PRKG1: variants seen among roughly 807,000 people sequenced by gnomAD.
PRKG1 encodes the protein cGMP-dependent protein kinase 1.
A neutral mutation model predicts 88.1 loss-of-function variants in PRKG1; 35 were observed. The observed-to-expected ratio is 0.40, with a 90% confidence interval of 0.30 to 0.53. PRKG1 has a LOEUF of 0.53. Among genes scored for constraint, PRKG1 ranks in the 20% least tolerant of loss-of-function variants. PRKG1 has a pLI of 0.59. For missense variants in PRKG1, 540 were observed against 839.8 expected (o/e 0.64, Z 4.41); for synonymous variants, 303 against 292.5 (o/e 1.04, Z -0.37).
intron 3 of PRKG1, among the ~76,000 whole-genome samples, chr10:51,609,685 G>A (rs115164472): frequency 6.6e-6 from 1 of 152,134 alleles, no homozygotes; most frequent in East Asian, 1.9e-4. Context: ...CATGTTCTTT[G>A]CAGGGACATG....
chr10:52,074,999 C>T (rs763938310), intron 7 of PRKG1, among the ~76,000 whole-genome samples: 52 of 152,160 alleles, frequency 3.4e-4, no homozygotes, highest in Admixed American at 5.9e-4. Flanking sequence ...TCTCCTATTC[C>T]AGGCATTTAG....
rs144839045 is a variant in PRKG1 at position 51,332,973 on chromosome 10, A to G, written c.479-134750A>G. Among the ~76,000 whole-genome samples the G allele has an allele frequency of 2.1e-4, 32 of 152,334 alleles. No individual in the cohort carries two copies. In the Middle Eastern group the frequency reaches 0.01, roughly 49 times the overall value. On this transcript the variant is annotated intron_variant, in intron 2 of 17. Transcript: ENST00000373980. ...TCTCCTTTAACCTCCTAACAGCTCT[A>G]TGAAGTAGGTACAATTATTATCTCA...
chr10:51,268,393 C>G (rs1034205823), intron 2 of PRKG1, among the ~76,000 whole-genome samples: 2 of 152,110 alleles, frequency 1.3e-5, no homozygotes, highest in Admixed American at 6.6e-5. Flanking sequence ...CTTATTTCAT[C>G]CCTACAGCTG....
chr10:52,259,870 T>C (rs1841392277), intron 10 of PRKG1, among the ~76,000 whole-genome samples: 1 of 152,138 alleles, frequency 6.6e-6, no homozygotes, highest in Non-Finnish European at 1.5e-5. Flanking sequence ...AGTAAATTCT[T>C]ATTGAACTTA....
At chr10:51,098,822 C>T (rs1214313005) in intron 1 of PRKG1, among the ~76,000 whole-genome samples, 1 of 152,146 alleles carries the variant, frequency 6.6e-6, no homozygotes, top group African/African-American at 2.4e-5. Context: ...TCCACTTTTG[C>T]TTCCAATAGC....
chr10:51,892,153 G>C (rs537172739), intron 4 of PRKG1, among the ~76,000 whole-genome samples: 19 of 152,006 alleles, frequency 1.2e-4, no homozygotes, highest in African/African-American at 4.3e-4. Context: ...AGATATTCCC[G>C]AATAAAGGAG....
intron 6 of PRKG1, among the ~76,000 whole-genome samples, chr10:52,061,849 A>T (rs890494446): frequency 8.5e-5 from 13 of 152,126 alleles, no homozygotes; most frequent in Non-Finnish European, 1.0e-4. Context: ...TATGAAAATG[A>T]GATGTGTCTT....
At chr10:51,737,301 C>T (rs1837304931) in intron 3 of PRKG1, among the ~76,000 whole-genome samples, 1 of 152,210 alleles carries the variant, frequency 6.6e-6, no homozygotes, top group African/African-American at 2.4e-5. Flanking sequence ...AGCTCAAACG[C>T]TTTCTTACCG....
intron 1 of PRKG1, among the ~76,000 whole-genome samples, chr10:51,127,352 GA>G (rs1489056782): frequency 6.6e-6 from 1 of 152,036 alleles, no homozygotes; most frequent in African/African-American, 2.4e-5. Flanking sequence ...AGAAACATAT[GA>G]AAAAAGCTCA....
rs535953645 is a variant in PRKG1 at position 51,699,327 on chromosome 10, G to T, written c.593-105258G>T. 3.1e-6 allele frequency: 5 copies of T among 1,614,080 alleles called. No homozygotes were observed. In the South Asian group the frequency reaches 4.4e-5, roughly 14 times the overall value. ...CTGAACTCCCGCCCATTGAGGTTCC[G>T]CATGGCACTAAGCGCGGTCTCCTGG... On this transcript the variant is annotated intron_variant, in intron 3 of 17. Coordinates refer to ENST00000373980, the MANE Select transcript of PRKG1 (RefSeq NM_006258.4).
intron 5 of PRKG1, among the ~76,000 whole-genome samples, chr10:52,035,326 AG>A (rs1324870206): frequency 1.3e-5 from 2 of 152,006 alleles, no homozygotes; most frequent in Non-Finnish European, 2.9e-5. Flanking sequence ...TAGGGAAGGA[AG>A]GGGGCCTGAA....
intron 2 of PRKG1, among the ~76,000 whole-genome samples, chr10:51,281,549 G>A (rs937392582): frequency 5.9e-5 from 9 of 152,148 alleles, no homozygotes; most frequent in African/African-American, 1.7e-4. Flanking sequence ...TAAACAAAGC[G>A]GCCTGGAAGC....
intron 2 of PRKG1, among the ~76,000 whole-genome samples, chr10:51,282,040 A>T (rs1439850372): frequency 6.6e-6 from 1 of 152,218 alleles, no homozygotes; most frequent in Non-Finnish European, 1.5e-5. Flanking sequence ...TCTAAATGTT[A>T]GTAAGCAGAG....
chr10:51,100,942 C>T (rs565159884), intron 1 of PRKG1, among the ~76,000 whole-genome samples: 2 of 152,110 alleles, frequency 1.3e-5, no homozygotes, highest in African/African-American at 2.4e-5. Context: ...CTTTCTATGC[C>T]TCTTGTCACG....
At chr10:51,155,988 C>G (rs1294455821) in intron 2 of PRKG1, among the ~76,000 whole-genome samples, 3 of 151,902 alleles carry the variant, frequency 2.0e-5, no homozygotes, top group Non-Finnish European at 4.4e-5. Flanking sequence ...CAATCGACCC[C>G]TTGTCACCTT....
At position 50,991,304 on chromosome 10, in the gene PRKG1, C is replaced by T. The variant is rs559862615; in HGVS notation, c.-75C>T. ...ACCCGCGCTCTCCGCTGCCGGCTGC[C>T]GTCCCAGCCGCCGCCGCCGCCGCCG... On this transcript the variant is annotated 5_prime_UTR_variant, in exon 1 of 18. Coordinates refer to the PRKG1 transcript ENST00000401604. This position sits in a 1 kb window ranked among gnomAD's most constrained non-coding sequence, Gnocchi z 4.5. 4 of 1,426,278 alleles carry T rather than the reference C, an allele frequency of 2.8e-6. No individual in the cohort carries two copies. The South Asian group carries it at 5.5e-5, about 19-fold the overall frequency. 88.4% of individuals were successfully genotyped at this position (1,426,278 alleles called of 1,614,324 possible). A position where few individuals can be genotyped will look rare whatever the true frequency, so the allele number is the denominator to read the frequency against.
intron 2 of PRKG1, among the ~76,000 whole-genome samples, chr10:51,190,649 TG>T (rs1345859450): frequency 6.6e-6 from 1 of 151,854 alleles, no homozygotes; most frequent in African/African-American, 2.4e-5. Context: ...CTCTTTCCTT[TG>T]TTCTTCTGAT....
chr10:51,858,411 A>AATATATATAT (rs1840774433), intron 4 of PRKG1, among the ~76,000 whole-genome samples: 1 of 62,150 alleles, frequency 1.6e-5, no homozygotes, highest in East Asian at 2.8e-4. Flanking sequence ...TATATATAAA[A>AATATATATAT]TATATATATA....
intron 2 of PRKG1, among the ~76,000 whole-genome samples, chr10:51,239,976 A>G (rs1468689566): frequency 6.6e-6 from 1 of 152,218 alleles, no homozygotes; most frequent in Non-Finnish European, 1.5e-5. Flanking sequence ...GCTATCAGTA[A>G]TTGAAGACCC....
Sources: gnomAD v4.1 joint callset for allele counts (sites outside exome capture counted in the v4.1 genomes callset) on GRCh38, gnomAD v4.1.1 for gene constraint, Gnocchi (gnomAD v3.1) non-coding constraint, MANE v1.5 for transcripts, NCBI Gene and HGNC (gene_info 2026-07-23, HGNC 2026-07-21) for gene names.